Variants in USH1C observed in about 807,000 individuals in gnomAD.
USH1C encodes the protein harmonin.
In USH1C, 90 loss-of-function variants were observed where a neutral mutation model predicts 119.3. The observed-to-expected ratio is 0.75, with a 90% CI of 0.64 to 0.90. The LOEUF (loss-of-function observed/expected upper bound fraction) is 0.90, where lower values mean the gene tolerates loss of function less well. USH1C is among the 40% of genes least tolerant of loss of function. USH1C has a pLI of 0.00. For missense variants in USH1C, 1,165 were observed against 1,167.7 expected (o/e 1.00, Z 0.03); for synonymous variants, 465 against 443.3 (o/e 1.05, Z -0.62).
chr11:17,534,669 G>C (rs1851155416), intron 1 of USH1C, among the ~76,000 whole-genome samples: 2 of 152,196 alleles, frequency 1.3e-5, no homozygotes, highest in Admixed American at 6.5e-5. Context: ...GAGATCAGGA[G>C]TTTGAGACCA....
chr11:17,501,860 C>A, intron 21 of USH1C, 79 bp downstream of exon 21: 1 of 1,517,204 alleles, frequency 6.6e-7, no homozygotes, highest in Middle Eastern at 1.7e-4. Context: ...GCCCAGAATG[C>A]ACCACTATCA....
At chr11:17,518,702 C>G (rs180892480) in intron 14 of USH1C, among the ~76,000 whole-genome samples, 1 of 152,128 alleles carries the variant, frequency 6.6e-6, no homozygotes, top group East Asian at 1.9e-4. Context: ...TAAGAGATGC[C>G]CCATGCTCTT....
In USH1C at chr11:17,512,010, G is replaced by A. The variant is rs747376943; in HGVS notation, c.1305C>T (p.Asp435=). Residue 435 remains aspartate (D), a synonymous_variant, in exon 16 of 27, where the codon GAC becomes GAT. Transcript: ENST00000005226. Reference sequence around the variant, plus strand: ...CCAGTTCTTTCTTATTCTTTCTCAAGTCCTGCAGGCTGCCATACTTGGCTT... The same window carrying A: ...CCAGTTCTTTCTTATTCTTTCTCAAATCCTGCAGGCTGCCATACTTGGCTT... ...KKKAKYGSLQ[D]LRKNKKELEF... 1.2e-6 allele frequency: 2 copies of A among 1,614,160 alleles called. No homozygotes were observed. Among genetic ancestry groups the A allele is most frequent in the Admixed American group, 1.7e-5 (1 of 60,012 alleles).
Position 17,498,281 on chromosome 11 carries a change from G to C in USH1C, c.2381-10C>G. The C allele has an allele frequency of 6.2e-7, 1 of 1,613,782 alleles. No individual in the cohort carries two copies. Among genetic ancestry groups the C allele is most frequent in the South Asian group, 1.1e-5 (1 of 91,064 alleles). On this transcript the variant is annotated splice_polypyrimidine_tract_variant and intron_variant, in intron 23 of 26. Coordinates refer to ENST00000005226, the MANE Select transcript of USH1C (RefSeq NM_153676.4). Reference sequence around the variant, plus strand: ...CCTTTCACAATGCCACCTGCAGGCAGATGAGGCTGATTGGCCAACTGGGCT... The same window carrying C: ...CCTTTCACAATGCCACCTGCAGGCACATGAGGCTGATTGGCCAACTGGGCT...
intron 1 of USH1C, among the ~76,000 whole-genome samples, chr11:17,538,347 G>A (rs1851312183): frequency 1.3e-5 from 2 of 152,086 alleles, no homozygotes; most frequent in African/African-American, 4.8e-5. Context: ...GGCAAAAGCT[G>A]GGTTTGGCCA....
intron 25 of USH1C, among the ~76,000 whole-genome samples, chr11:17,495,990 G>A (rs1481954699): frequency 6.6e-6 from 1 of 152,052 alleles, no homozygotes; most frequent in African/African-American, 2.4e-5. Context: ...ACCACACAGA[G>A]GCAGAGAAAC....
intron 18 of USH1C, among the ~76,000 whole-genome samples, chr11:17,506,177 T>C (rs1005291315): frequency 6.6e-6 from 1 of 152,150 alleles, no homozygotes; most frequent in Non-Finnish European, 1.5e-5. Context: ...TCTAAGAAAT[T>C]GGACGCTTGA....
intron 14 of USH1C, among the ~76,000 whole-genome samples, chr11:17,518,219 A>G (rs1850245566): frequency 6.6e-6 from 1 of 152,256 alleles, no homozygotes; most frequent in African/African-American, 2.4e-5. Flanking sequence ...CATTTACCCA[A>G]CAGTGGAACC....
intron 23 of USH1C, among the ~76,000 whole-genome samples, 182 bp downstream of exon 23, chr11:17,500,869 G>A (rs1167557944): frequency 6.6e-6 from 1 of 152,202 alleles, no homozygotes; most frequent in Non-Finnish European, 1.5e-5. Context: ...TGTACTCACA[G>A]GTCCCGGCGC....
chr11:17,498,156 TC>T lies in USH1C; in HGVS notation c.2490+5del. The T allele has an allele frequency of 6.2e-7, 1 of 1,613,762 alleles. No individual in the cohort carries two copies. Among genetic ancestry groups the T allele is most frequent in the Non-Finnish European group, 8.5e-7 (1 of 1,179,682 alleles). On this transcript the variant is annotated splice_donor_5th_base_variant and intron_variant, in intron 24 of 26. Transcript: ENST00000005226. ...GGAGGAAAGGAGGGAGGGGCCTTAT[TC>T]TTACCCCGCCCTGATTCCAGGCCTT...
chr11:17,534,603 G>A (rs376048211), intron 1 of USH1C, among the ~76,000 whole-genome samples: 81 of 152,300 alleles, frequency 5.3e-4, no homozygotes, highest in African/African-American at 1.8e-3. Flanking sequence ...GGCTGGGTGC[G>A]GTGGCTCACG....
At chr11:17,511,675 C>T (rs899600141) in intron 16 of USH1C, among the ~76,000 whole-genome samples, 5 of 152,166 alleles carry the variant, frequency 3.3e-5, no homozygotes, top group African/African-American at 9.7e-5. Flanking sequence ...AAGACTCACA[C>T]CCCCAAGCAA....
chr11:17,537,334 G>A (rs113447644), intron 1 of USH1C, among the ~76,000 whole-genome samples: 3,667 of 152,274 alleles, frequency 0.024, 144 homozygotes, highest in African/African-American at 0.084. Context: ...AGGTACATAC[G>A]AAGCACTAGG....
chr11:17,495,513 T>C (rs1363540349), intron 26 of USH1C, 56 bp downstream of exon 26: 2 of 1,547,696 alleles, frequency 1.3e-6, no homozygotes, highest in African/African-American at 2.7e-5. Context: ...GGGCAGCAGA[T>C]GGCCACTGCA....
chr11:17,537,137 C>A (rs1414002036), intron 1 of USH1C, among the ~76,000 whole-genome samples: 1 of 152,202 alleles, frequency 6.6e-6, no homozygotes, highest in Non-Finnish European at 1.5e-5. Flanking sequence ...AGTAACAATA[C>A]CACCATCACT....
intron 12 of USH1C, 126 bp from the exon 13 acceptor site, chr11:17,521,537 A>G: frequency 1.0e-6 from 1 of 957,012 alleles, no homozygotes; most frequent in Non-Finnish European, 1.7e-6. Context: ...GGAGGCCTGG[A>G]CCAGCTTTGG....
At chr11:17,497,245 T>C (rs2133769739) in intron 24 of USH1C, among the ~76,000 whole-genome samples, 1 of 152,322 alleles carries the variant, frequency 6.6e-6, no homozygotes, top group Admixed American at 6.5e-5. Context: ...GGCCCAGCTT[T>C]TTGATCCTAA....
At chr11:17,534,019 G>C (rs533714516) in intron 1 of USH1C, 11 of 266,104 alleles carry the variant, frequency 4.1e-5, no homozygotes, top group Non-Finnish European at 8.3e-5. Flanking sequence ...TTCAGGAGTT[G>C]TGTCATTAGC....
chr11:17,526,795 G>T lies in USH1C; in HGVS notation c.537C>A (p.Pro179=). The change falls in exon 7 of 27, where the codon CCC becomes CCA. Residue 179 remains proline (P), a synonymous_variant. Transcript: ENST00000005226. ...ACTGATCCACATACTGCCAAGTGAG[G>T]GGCTCATCAGGAGAGCTGATGGGAA... ...LIPVKSSPDE[P]LTWQYVDQFV... is the part of the protein sequence containing the mutation. 1 of 1,614,174 alleles carries T rather than the reference G, an allele frequency of 6.2e-7. No homozygotes were observed. Among genetic ancestry groups the T allele is most frequent in the South Asian group, 1.1e-5 (1 of 91,066 alleles).
Sources: gnomAD v4.1 joint callset for allele counts (sites outside exome capture counted in the v4.1 genomes callset) on GRCh38, gnomAD v4.1.1 for gene constraint, MANE v1.5 for transcripts, NCBI Gene and HGNC (gene_info 2026-07-23, HGNC 2026-07-21) for gene names.